Variants in USP10 observed in about 807,000 individuals in gnomAD.
USP10 encodes ubiquitin carboxyl-terminal hydrolase 10.
USP10 carries 22 observed loss-of-function variants against 84.5 expected under a neutral mutation model. That is an observed-to-expected ratio of 0.26 (90% CI 0.19 to 0.37). USP10 has a LOEUF of 0.37. Among genes scored for constraint, USP10 ranks in the 10% least tolerant of loss-of-function variants. The probability of loss-of-function intolerance (pLI) is 1.00; values close to 1 mark genes in which losing one functional copy is unlikely to be tolerated. For missense variants in USP10, 1,019 were observed against 998.9 expected, an observed-to-expected ratio of 1.02 and a Z score of -0.27; for synonymous variants, 454 against 387.6, an observed-to-expected ratio of 1.17 and a Z score of -2.01.
chr16:84,716,711 C>A (rs777318812), intron 1 of USP10, among the ~76,000 whole-genome samples: 6 of 152,130 alleles, frequency 3.9e-5, no homozygotes, highest in Non-Finnish European at 8.8e-5. Context: ...TTACTGGGAT[C>A]TTAGGTGCAC....
At chr16:84,759,522 G>C (rs758913752) in intron 6 of USP10, 50 bp downstream of exon 6, 1 of 1,501,702 alleles carries the variant, frequency 6.7e-7, no homozygotes, top group East Asian at 2.3e-5. Context: ...TTTCCCGTCT[G>C]ATAATTAGAA....
At chr16:84,730,792 A>T (rs1909112997) in intron 1 of USP10, among the ~76,000 whole-genome samples, 1 of 152,158 alleles carries the variant, frequency 6.6e-6, no homozygotes, top group African/African-American at 2.4e-5. Flanking sequence ...TAGAAGTATG[A>T]TTTAAATAAA....
At chr16:84,750,022 C>A (rs1040210036) in intron 4 of USP10, among the ~76,000 whole-genome samples, 1 of 152,108 alleles carries the variant, frequency 6.6e-6, no homozygotes, top group African/African-American at 2.4e-5. Context: ...AACACAAAAG[C>A]CCTGTCTTGC....
rs746034056 is a variant in USP10 at position 84,704,875 on chromosome 16, T to C, written c.21+4764T>C. 5.8e-5 allele frequency: 89 copies of C among 1,535,596 alleles called. No individual in the cohort carries two copies. The South Asian group carries it at 9.6e-4, about 17-fold the overall frequency. ...GAATAGGGCAGGTAAGGTGTTGAGA[T>C]AGAAATGTGGTTTGGGGCTGTTACA... On this transcript the variant is annotated intron_variant, in intron 1 of 13. Transcript: ENST00000219473.
Position 84,716,994 on chromosome 16 carries a change from T to C in USP10, c.22-16441T>C, listed in dbSNP as rs149705636. ...CTTGCTTCATAGTAGAGCTTCGGGA[T>C]TACATGAGATAGAGCATAGCAGTGC... On this transcript the variant is annotated intron_variant, in intron 1 of 13. Coordinates refer to ENST00000219473, the MANE Select transcript of USP10 (RefSeq NM_005153.3). 7.7e-4 allele frequency among the ~76,000 whole-genome samples: 117 copies of C among 152,276 alleles called. No homozygotes were observed. In the East Asian group the frequency reaches 0.021, roughly 28 times the overall value.
At chr16:84,700,926 C>T (rs951105980) in intron 1 of USP10, among the ~76,000 whole-genome samples, 2 of 152,040 alleles carry the variant, frequency 1.3e-5, no homozygotes, top group African/African-American at 4.8e-5. Context: ...CCCCCCTCCG[C>T]CATTATAATT....
At chr16:84,721,827 A>G (rs1230001429) in intron 1 of USP10, among the ~76,000 whole-genome samples, 2 of 152,242 alleles carry the variant, frequency 1.3e-5, no homozygotes, top group Non-Finnish European at 2.9e-5. Context: ...CCTCTCGAGT[A>G]GCTGGGACTA....
intron 1 of USP10, among the ~76,000 whole-genome samples, chr16:84,700,591 C>T (rs1401027541): frequency 1.3e-5 from 2 of 152,154 alleles, no homozygotes; most frequent in Admixed American, 1.3e-4. Flanking sequence ...CCAAGAGCTT[C>T]CTTTCTCAGC....
intron 1 of USP10, among the ~76,000 whole-genome samples, chr16:84,705,252 G>A: frequency 6.7e-6 from 1 of 149,292 alleles, no homozygotes; most frequent in Non-Finnish European, 1.5e-5. Context: ...TTTTTTTTGA[G>A]ACGGAGTCTC....
intron 11 of USP10, among the ~76,000 whole-genome samples, chr16:84,771,017 A>G (rs1278140337): frequency 6.6e-6 from 1 of 151,124 alleles, no homozygotes; most frequent in Non-Finnish European, 1.5e-5. Context: ...AGATCGCACC[A>G]CTGCACTCCA....
intron 1 of USP10, among the ~76,000 whole-genome samples, chr16:84,717,548 T>C (rs1258513177): frequency 6.6e-6 from 1 of 152,194 alleles, no homozygotes; most frequent in African/African-American, 2.4e-5. Context: ...GGTGACAAGC[T>C]GTTTGGTGAC....
At position 84,740,325 on chromosome 16, in the gene USP10, G is replaced by C; in HGVS notation, c.107G>C (p.Gly36Ala). Reference sequence around the variant, plus strand: ...CTTGTGCAGCTTCCTCCATACAGTGGAACAGTTCTGTGTGGCACACAGGCT... The same window carrying C: ...CTTGTGCAGCTTCCTCCATACAGTGCAACAGTTCTGTGTGGCACACAGGCT... ...RSSVELPPYSGTVLCGTQAVD... is the reference protein window; with the variant it reads ...RSSVELPPYSATVLCGTQAVD... The change falls in exon 3 of 14, where the codon GGA (glycine) becomes GCA (alanine). Residue 36 changes from glycine (G) to alanine (A), a missense_variant. Coordinates refer to ENST00000219473, the MANE Select transcript of USP10 (RefSeq NM_005153.3). The C allele has an allele frequency of 6.2e-7, 1 of 1,612,428 alleles. No individual in the cohort carries two copies. The highest frequency in any genetic ancestry group is 8.5e-7 in the Non-Finnish European group (1 of 1,179,070).
rs1176111401 is a variant in USP10 at position 84,745,547 on chromosome 16, C to T, written c.1066C>T (p.Pro356Ser). Residue 356 changes from proline to serine, a missense_variant, in exon 4 of 14, where the codon CCG becomes TCG. This residue lies in a region of USP10 where 787 missense variants were observed against 708.8 expected (regional missense o/e 1.11). Transcript: ENST00000219473. ...FHDSKPSSSS[P>S]VAYVETKYSP... is the part of the protein sequence containing the mutation. ...TGATTCTAAGCCCTCTTCCTCCTCG[C>T]CGGTGGCCTATGTGGAAACTAAGTA... 1.2e-6 allele frequency: 2 copies of T among 1,612,460 alleles called. No individual in the cohort carries two copies. The highest frequency in any genetic ancestry group is 1.7e-6 in the Non-Finnish European group (2 of 1,179,150).
intron 1 of USP10, among the ~76,000 whole-genome samples, chr16:84,732,808 C>A (rs1227962449): frequency 6.6e-6 from 1 of 152,198 alleles, no homozygotes; most frequent in Non-Finnish European, 1.5e-5. Flanking sequence ...TTGCCAGACT[C>A]ACATCCGTGC....
At chr16:84,704,743 C>T (rs988601543) in intron 1 of USP10, 1 of 1,531,060 alleles carries the variant, frequency 6.5e-7, no homozygotes, top group East Asian at 2.5e-5. Flanking sequence ...TTGAAAGCTC[C>T]TGGGCCATGA....
chr16:84,763,185 G>A (rs997923648), intron 9 of USP10, 97 bp downstream of exon 9: 8 of 644,726 alleles, frequency 1.2e-5, no homozygotes, highest in African/African-American at 1.8e-5. Context: ...CCCCTCAGTC[G>A]TTTTCCTTTC....
At chr16:84,743,975 A>G (rs1910916919) in intron 3 of USP10, among the ~76,000 whole-genome samples, 1 of 152,226 alleles carries the variant, frequency 6.6e-6, no homozygotes, top group South Asian at 2.1e-4. Context: ...ATTGAAGGTT[A>G]CCAGCGGAGG....
chr16:84,718,389 G>T (rs1187378057), intron 1 of USP10, among the ~76,000 whole-genome samples: 3 of 152,174 alleles, frequency 2.0e-5, no homozygotes, highest in Non-Finnish European at 4.4e-5. Flanking sequence ...GAGGAGCTGG[G>T]ACTGCAAGTG....
chr16:84,753,927 G>A (rs1912223537), intron 4 of USP10, among the ~76,000 whole-genome samples: 1 of 152,202 alleles, frequency 6.6e-6, no homozygotes. Flanking sequence ...GTAGGGAGAA[G>A]TGATCATTGG....
Sources: allele counts gnomAD v4.1 joint callset (sites outside exome capture counted in the v4.1 genomes callset), GRCh38; gene constraint gnomAD v4.1.1; regional missense constraint gnomAD v4.1.1; transcripts MANE v1.5; gene names NCBI Gene and HGNC (gene_info 2026-07-23, HGNC 2026-07-21).